CACNB2: variants seen among roughly 807,000 people sequenced by gnomAD.
CACNB2 encodes calcium voltage-gated channel auxiliary subunit beta 2, also known as voltage-dependent L-type calcium channel subunit beta-2.
Under a neutral mutation model 73.3 loss-of-function variants are expected in CACNB2, and 42 were observed. The ratio of observed to expected loss-of-function variants is 0.57; its 90% CI spans 0.45 to 0.74. CACNB2 has a LOEUF of 0.74. Among genes scored for constraint, CACNB2 ranks in the 30% least tolerant of loss-of-function variants. The pLI is 0.00. For synonymous variants in CACNB2, 348 were observed against 310.3 expected, an observed-to-expected ratio of 1.12 and a Z score of -1.28; for missense variants, 940 against 853.0, an observed-to-expected ratio of 1.10 and a Z score of -1.27.
intron 3 of CACNB2, among the ~76,000 whole-genome samples, chr10:18,485,502 T>TA (rs61319080): frequency 1.3e-5 from 2 of 149,300 alleles, no homozygotes; most frequent in Middle Eastern, 3.5e-3. Flanking sequence ...AATAAGTGGA[T>TA]AAAAAAAACG....
intron 2 of CACNB2, among the ~76,000 whole-genome samples, chr10:18,317,893 T>C (rs1020939130): frequency 5.3e-5 from 8 of 152,120 alleles, no homozygotes; most frequent in Non-Finnish European, 1.0e-4. Flanking sequence ...AAAGAATCTA[T>C]TTTAACCTAG....
chr10:18,414,653 T>C (rs2044838392), intron 3 of CACNB2, among the ~76,000 whole-genome samples: 2 of 152,074 alleles, frequency 1.3e-5, no homozygotes, highest in Admixed American at 6.6e-5. Flanking sequence ...GCCTGCTAAT[T>C]TTTGTATTTT....
At chr10:18,433,459 A>G (rs751088290) in intron 3 of CACNB2, among the ~76,000 whole-genome samples, 24 of 152,182 alleles carry the variant, frequency 1.6e-4, no homozygotes, top group Non-Finnish European at 3.4e-4. Flanking sequence ...TGCTGTTGTT[A>G]TCCAAGACCA....
chr10:18,298,068 A>T (rs1290842175), intron 2 of CACNB2, among the ~76,000 whole-genome samples: 4 of 152,208 alleles, frequency 2.6e-5, no homozygotes, highest in African/African-American at 9.6e-5. Context: ...GAAAAATATC[A>T]TTTAAAACCT....
chr10:18,353,560 C>T lies in CACNB2; in HGVS notation c.214-48364C>T, dbSNP rs552771267. Among the ~76,000 whole-genome samples, 4 of 152,164 alleles carry T rather than the reference C, an allele frequency of 2.6e-5. No individual in the cohort carries two copies. In the South Asian group the frequency reaches 6.2e-4, roughly 24 times the overall value. Reference sequence around the variant, plus strand: ...ATGTAAGCATTTCTTCACAGTTCGCCGATCTACGTTGATTCAGTATAAGGT... The same window carrying T: ...ATGTAAGCATTTCTTCACAGTTCGCTGATCTACGTTGATTCAGTATAAGGT... On this transcript the variant is annotated intron_variant, in intron 2 of 13. Coordinates refer to ENST00000324631, the MANE Select transcript of CACNB2 (RefSeq NM_201596.3).
chr10:18,434,669 G>A (rs1265777179), intron 3 of CACNB2, among the ~76,000 whole-genome samples: 1 of 152,144 alleles, frequency 6.6e-6, no homozygotes, highest in African/African-American at 2.4e-5. Flanking sequence ...CCAAAGTGCT[G>A]AGGTTATAGG....
In CACNB2 at chr10:18,288,236, A is replaced by G. The variant is rs2038888847; in HGVS notation, c.214-113688A>G. 2.0e-5 allele frequency among the ~76,000 whole-genome samples: 3 copies of G among 152,362 alleles called. No homozygotes were observed. In the South Asian group the frequency reaches 6.2e-4, roughly 32 times the overall value. On this transcript the variant is annotated intron_variant, in intron 2 of 13. Coordinates refer to ENST00000324631, the MANE Select transcript of CACNB2 (RefSeq NM_201596.3). ...TTTTGTGGGGTCATAACTCAAACCC[A>G]TAACAACATCAGAACATTGTAATTC...
chr10:18,319,453 G>C (rs1255013561), intron 2 of CACNB2, among the ~76,000 whole-genome samples: 4 of 151,930 alleles, frequency 2.6e-5, no homozygotes, highest in Non-Finnish European at 2.9e-5. Flanking sequence ...CTCAGGGGGT[G>C]GGGGGCAAGG....
intron 2 of CACNB2, among the ~76,000 whole-genome samples, chr10:18,331,598 C>T (rs2040810375): frequency 6.6e-6 from 1 of 151,986 alleles, no homozygotes. Flanking sequence ...TCTTGTTCCT[C>T]CAACATGTTA....
chr10:18,412,465 G>A (rs886191695), intron 3 of CACNB2, among the ~76,000 whole-genome samples: 8 of 151,944 alleles, frequency 5.3e-5, no homozygotes, highest in Non-Finnish European at 1.2e-4. Context: ...TTATTCTCCT[G>A]CTTCAATTTC....
chr10:18,165,811 G>A (rs989550441), intron 2 of CACNB2, among the ~76,000 whole-genome samples: 1 of 152,108 alleles, frequency 6.6e-6, no homozygotes, highest in Non-Finnish European at 1.5e-5. Flanking sequence ...TATTAGTGTG[G>A]AACATTTTAA....
chr10:18,152,666 A>G (rs968883228), intron 2 of CACNB2, among the ~76,000 whole-genome samples: 9 of 143,682 alleles, frequency 6.3e-5, no homozygotes, highest in Non-Finnish European at 1.2e-4. Context: ...AGCTAGAGTT[A>G]GAATCTACAA....
Position 18,400,971 on chromosome 10 carries a change from C to T in CACNB2, c.214-953C>T, listed in dbSNP as rs370250270. 63 of 1,612,164 alleles carry T rather than the reference C, an allele frequency of 3.9e-5. No homozygotes were observed. In the African/African-American group the frequency reaches 7.7e-4, roughly 20 times the overall value. On this transcript the variant is annotated intron_variant, in intron 2 of 13. Transcript: ENST00000324631. ...GGAGCTGGGGTTCTCCGGGGCTCAG[C>T]GCGCACTGAGAACCTGTGCCCGGGG... is the stretch of plus-strand genomic sequence containing the variant.
intron 2 of CACNB2, among the ~76,000 whole-genome samples, chr10:18,209,333 C>T (rs2131344308): frequency 6.6e-6 from 1 of 152,226 alleles, no homozygotes. Context: ...GGGCTTTCTG[C>T]TTTAAGTTAC....
intron 2 of CACNB2, among the ~76,000 whole-genome samples, chr10:18,351,233 T>A (rs2041693554): frequency 6.6e-6 from 1 of 152,268 alleles, no homozygotes; most frequent in Admixed American, 6.5e-5. Flanking sequence ...TAAAATATGT[T>A]TCTTTTGCAA....
intron 2 of CACNB2, among the ~76,000 whole-genome samples, chr10:18,333,119 A>C (rs1168762554): frequency 1.3e-5 from 2 of 152,202 alleles, no homozygotes; most frequent in Non-Finnish European, 2.9e-5. Context: ...TCTCATTTTC[A>C]AGTGTATCTC....
intron 2 of CACNB2, among the ~76,000 whole-genome samples, chr10:18,374,227 G>C (rs2042701809): frequency 6.6e-6 from 1 of 152,198 alleles, no homozygotes; most frequent in Admixed American, 6.5e-5. Flanking sequence ...TGCCTCTGAA[G>C]TTTCCAGAAC....
At chr10:18,500,256 A>T (rs551828096) in intron 4 of CACNB2, among the ~76,000 whole-genome samples, 1 of 152,256 alleles carries the variant, frequency 6.6e-6, no homozygotes, top group Non-Finnish European at 1.5e-5. Context: ...GGCAAATCAC[A>T]AAGATTTAAG....
intron 9 of CACNB2, among the ~76,000 whole-genome samples, chr10:18,526,629 T>C (rs2052494153): frequency 6.6e-6 from 1 of 152,274 alleles, no homozygotes. Context: ...CTAAGTCATT[T>C]GCTATTTCCA....
Sources: allele counts gnomAD v4.1 joint callset (sites outside exome capture counted in the v4.1 genomes callset), GRCh38; gene constraint gnomAD v4.1.1; transcripts MANE v1.5; gene names NCBI Gene and HGNC (gene_info 2026-07-23, HGNC 2026-07-21).